The following ARRDC4 variants were observed in gnomAD, a reference collection of about 807,000 sequenced individuals.
ARRDC4 encodes the protein arrestin domain containing 4.
In ARRDC4, 40 loss-of-function variants were observed where a neutral mutation model predicts 44.6. The ratio of observed to expected loss-of-function variants is 0.90; its 90% CI spans 0.70 to 1.17. The LOEUF (loss-of-function observed/expected upper bound fraction) is 1.17. ARRDC4 is among the 50% of genes most tolerant of loss of function. The pLI is 0.00. For synonymous variants in ARRDC4, 211 were observed against 221.2 expected (o/e 0.95, Z 0.41); for missense variants, 550 against 559.1 (o/e 0.98, Z 0.16).
At position 97,973,685 on chromosome 15, in the gene ARRDC4, C is replaced by T. The variant is rs1443523800; in HGVS notation, c.*2498C>T. 2 of 152,492 alleles carry T rather than the reference C, an allele frequency of 1.3e-5. No individual in the cohort carries two copies. Among genetic ancestry groups the T allele is most frequent in the Non-Finnish European group, 2.9e-5 (2 of 68,014 alleles). 9.4% of individuals were successfully genotyped at this position (152,492 alleles called of 1,614,324 possible). A position where few individuals can be genotyped will look rare whatever the true frequency, so the allele number is the denominator to read the frequency against. ...GTTTTGCACAGTAAGAAACAATAGGCAAGCGTTATGTTTTTGGTAAGTTAA... is the reference window on the plus strand; with the variant it reads ...GTTTTGCACAGTAAGAAACAATAGGTAAGCGTTATGTTTTTGGTAAGTTAA... On this transcript the variant is annotated 3_prime_UTR_variant, in exon 8 of 8. Transcript: ENST00000268042.
intron 1 of ARRDC4, among the ~76,000 whole-genome samples, chr15:97,964,681 T>A (rs1899384394): frequency 6.6e-6 from 1 of 152,216 alleles, no homozygotes; most frequent in African/African-American, 2.4e-5. Flanking sequence ...GCCCTGGCCA[T>A]GCTTGGTAAA....
Position 97,960,818 on chromosome 15 carries a change from G to T in ARRDC4, c.-44G>T. ...CCGCTGTGCTCGCGACCCCGGCTCC[G>T]GGCCTCTGCCGACCTCAGGGGCAGG... On this transcript the variant is annotated 5_prime_UTR_variant, in exon 1 of 8. Transcript: ENST00000268042. 1 of 1,264,968 alleles carries T rather than the reference G, an allele frequency of 7.9e-7. No homozygotes were observed. 78.4% of individuals were successfully genotyped at this position (1,264,968 alleles called of 1,614,324 possible).
Position 97,968,018 on chromosome 15 carries a change from C to T in ARRDC4, c.527C>T (p.Pro176Leu), listed in dbSNP as rs1178721136. ...TTATTGTTTGAAATTTTCAAGACCC[C>T]TGTATTGAAAACTCAAGAGAAAATG... ...VDVNTPALLTPVLKTQEKMVG... is the reference protein window; with the variant it reads ...VDVNTPALLTLVLKTQEKMVG... Residue 176 changes from proline (P) to leucine (L), a missense_variant, in exon 4 of 8, where the codon CCT (proline) becomes CTT (leucine). Physicochemically the swap from Pro to Leu is moderately conservative, Grantham distance 98. Coordinates refer to ENST00000268042, the MANE Select transcript of ARRDC4 (RefSeq NM_183376.3). This position sits in a 1 kb window ranked among gnomAD's most constrained non-coding sequence, Gnocchi z 5.4. 2 of 1,589,838 alleles carry T rather than the reference C, an allele frequency of 1.3e-6. No homozygotes were observed. The highest frequency in any genetic ancestry group is 1.7e-6 in the Non-Finnish European group (2 of 1,167,486).
At position 97,968,245 on chromosome 15, in the gene ARRDC4, C is replaced by T. The variant is rs1252156111; in HGVS notation, c.625+129C>T. 1.9e-5 allele frequency: 8 copies of T among 430,724 alleles called. No individual in the cohort carries two copies. Among genetic ancestry groups the T allele is most frequent in the Admixed American group, 8.8e-5 (2 of 22,740 alleles). The allele number at this position is 430,724 out of a possible 1,614,324, so 26.7% of individuals were successfully genotyped here. A position where few individuals can be genotyped will look rare whatever the true frequency, so the allele number is the denominator to read the frequency against. The stretch of plus-strand genomic sequence containing the variant: ...GTATTTTAAAACATGAATAGTGATA[C>T]ATTTTTTATATAAATAATTGATATT... On this transcript the variant is annotated intron_variant, in intron 4 of 7. Transcript: ENST00000268042. This position sits in a 1 kb window ranked among gnomAD's most constrained non-coding sequence, Gnocchi z 5.4.
chr15:97,960,901 G>A lies in ARRDC4; in HGVS notation c.40G>A (p.Glu14Lys). The change falls in exon 1 of 8, where the codon GAG becomes AAG. Residue 14 changes from glutamate (E) to lysine (K), a missense_variant. By Grantham distance (56) the Glu-to-Lys change is moderately conservative. Coordinates refer to ENST00000268042, the MANE Select transcript of ARRDC4 (RefSeq NM_183376.3). ...EAGCAAAVGAEGRVKSLGLVF... is the reference protein window; with the variant it reads ...EAGCAAAVGAKGRVKSLGLVF... ...TGGGTGCGCGGCGGCCGTGGGTGCC[G>A]AGGGCCGCGTGAAGAGCCTGGGTCT... 7.0e-7 allele frequency: 1 copy of A among 1,428,858 alleles called. No individual in the cohort carries two copies. The highest frequency in any genetic ancestry group is 9.2e-7 in the Non-Finnish European group (1 of 1,084,414). The allele number at this position is 1,428,858 out of a possible 1,614,324, so 88.5% of individuals were successfully genotyped here.
At position 97,968,169 on chromosome 15, in the gene ARRDC4, TAA is replaced by T; in HGVS notation, c.625+54_625+55del. On this transcript the variant is annotated intron_variant, in intron 4 of 7. Transcript: ENST00000268042. This position sits in a 1 kb window ranked among gnomAD's most constrained non-coding sequence, Gnocchi z 5.4. Reference sequence around the variant, plus strand: ...GAAAGATTTCATTCATTTTCTTAGCTAATTTTAAGTGATTTTAAATAGTGTTT... The same window carrying T: ...GAAAGATTTCATTCATTTTCTTAGCTTTTTAAGTGATTTTAAATAGTGTTT... The T allele has an allele frequency of 8.2e-7, 1 of 1,218,556 alleles. No individual in the cohort carries two copies. The highest frequency in any genetic ancestry group is 2.4e-5 in the Admixed American group (1 of 42,316). 75.5% of individuals were successfully genotyped at this position (1,218,556 alleles called of 1,614,324 possible). A position where few individuals can be genotyped will look rare whatever the true frequency, so the allele number is the denominator to read the frequency against.
In ARRDC4 at chr15:97,965,947, C is replaced by T. The variant is rs753297131; in HGVS notation, c.427C>T (p.Arg143Trp). The change falls in exon 3 of 8, where the codon CGG becomes TGG. Residue 143 changes from arginine (R) to tryptophan (W), a missense_variant. Arg to Trp is a moderately radical substitution (Grantham distance 101, BLOSUM62 -3). Coordinates refer to ENST00000268042, the MANE Select transcript of ARRDC4 (RefSeq NM_183376.3). The surrounding 1 kb of genome is among the most constrained non-coding windows in gnomAD (Gnocchi z 5.1). ...GKYGSIQYCV[R>W]AVLERPKVPD... ...ATATGGAAGCATTCAGTACTGTGTGCGGGCAGTGTTGGAACGACCCAAGGT... is the reference window on the plus strand; with the variant it reads ...ATATGGAAGCATTCAGTACTGTGTGTGGGCAGTGTTGGAACGACCCAAGGT... 1.9e-5 allele frequency: 30 copies of T among 1,613,954 alleles called. No homozygotes were observed. The Admixed American group carries it at 2.5e-4, about 13-fold the overall frequency.
Position 97,970,848 on chromosome 15 carries a change from G to A in ARRDC4, c.1200+105G>A. The A allele has an allele frequency of 2.4e-5, 32 of 1,322,886 alleles. No homozygotes were observed. The highest frequency in any genetic ancestry group is 3.3e-5 in the Non-Finnish European group (32 of 965,674). 81.9% of individuals were successfully genotyped at this position (1,322,886 alleles called of 1,614,324 possible). A position where few individuals can be genotyped will look rare whatever the true frequency, so the allele number is the denominator to read the frequency against. On this transcript the variant is annotated intron_variant, in intron 7 of 7. Transcript: ENST00000268042. The surrounding 1 kb of genome is among the most constrained non-coding windows in gnomAD (Gnocchi z 4.2). ...TCTGTTGCTGACTCATAATTAGTAA[G>A]GGATACATTTAAATTTGTTTATACA...
chr15:97,964,997 T>TACACACAC (rs138550311), intron 1 of ARRDC4, among the ~76,000 whole-genome samples: 7 of 147,828 alleles, frequency 4.7e-5, no homozygotes, highest in African/African-American at 1.5e-4. Context: ...GATTTTTACA[T>TACACACAC]ACACACACAC....
rs1433495210 is a variant in ARRDC4 at position 97,966,671 on chromosome 15, A to G, written c.522+629A>G. Among the ~76,000 whole-genome samples the G allele has an allele frequency of 6.6e-6, 1 of 152,212 alleles. No individual in the cohort carries two copies. Among genetic ancestry groups the G allele is most frequent in the Non-Finnish European group, 1.5e-5 (1 of 68,030 alleles). ...AAGAAAGATCAGGCTATAAGTAACA[A>G]CAGAATAGGCAAGATGGGAGCTAAT... On this transcript the variant is annotated intron_variant, in intron 3 of 7. Transcript: ENST00000268042. This position sits in a 1 kb window ranked among gnomAD's most constrained non-coding sequence, Gnocchi z 4.7.
rs1899465107 is a variant in ARRDC4, at chr15:97,969,151, AG to A, written c.655del (p.Glu219LysfsTer7). On this transcript the variant is annotated frameshift_variant, in exon 5 of 8. Coordinates refer to ENST00000268042, the MANE Select transcript of ARRDC4 (RefSeq NM_183376.3). LOFTEE classifies it high-confidence loss of function. Reference sequence around the variant, plus strand: ...AAGCTATTCCAATCTATGCAGAAATAGAAAATTGTTCCTCTCGTCTGATTGT... The same window carrying A: ...AAGCTATTCCAATCTATGCAGAAATAAAAATTGTTCCTCTCGTCTGATTGT... The part of the protein sequence containing the change: ...GEAIPIYAEI[E>X]NCSSRLIVPK... The A allele has an allele frequency of 1.9e-6, 3 of 1,613,876 alleles. No individual in the cohort carries two copies. The South Asian group carries it at 3.3e-5, about 18-fold the overall frequency.
At position 97,970,759 on chromosome 15, in the gene ARRDC4, G is replaced by T. The variant is rs767097581; in HGVS notation, c.1200+16G>T. On this transcript the variant is annotated intron_variant, in intron 7 of 7. Transcript: ENST00000268042. This position sits in a 1 kb window ranked among gnomAD's most constrained non-coding sequence, Gnocchi z 4.2. ...TTATTCAGAGGTAAGCAAAGCAAAA[G>T]AAAATTAGACTTTTACTGTATTATT... 2 of 1,602,402 alleles carry T rather than the reference G, an allele frequency of 1.2e-6. No homozygotes were observed. The highest frequency in any genetic ancestry group is 1.7e-5 in the Admixed American group (1 of 57,730).
In ARRDC4 at chr15:97,960,766, C is replaced by T. The variant is rs1435735065; in HGVS notation, c.-96C>T. The T allele has an allele frequency of 2.1e-5, 24 of 1,157,160 alleles. No individual in the cohort carries two copies. Among genetic ancestry groups the T allele is most frequent in the Non-Finnish European group, 2.5e-5 (23 of 914,768 alleles). The allele number at this position is 1,157,160 out of a possible 1,614,324, so 71.7% of individuals were successfully genotyped here. On this transcript the variant is annotated 5_prime_UTR_variant, in exon 1 of 8. Coordinates refer to ENST00000268042, the MANE Select transcript of ARRDC4 (RefSeq NM_183376.3). ...GCACGGCTGCCGCGGCGGCCTTACC[C>T]TGCCGCGAGCGCCTGTGACAGCGGC...
Position 97,961,008 on chromosome 15 carries a change from G to T in ARRDC4, c.147G>T (p.Pro49=). The change falls in exon 1 of 8, where the codon CCG becomes CCT. Residue 49 remains proline, a synonymous_variant. Transcript: ENST00000268042. ...ACGTGCTGCTGGAGGCGTCCGAGCCGGTGGCCCTGCGCGCGCTGCGCCTGG... is the reference window on the plus strand; with the variant it reads ...ACGTGCTGCTGGAGGCGTCCGAGCCTGTGGCCCTGCGCGCGCTGCGCCTGG... ...AGHVLLEASE[P]VALRALRLEA... 1.4e-6 allele frequency: 2 copies of T among 1,443,742 alleles called. No homozygotes were observed. Among genetic ancestry groups the T allele is most frequent in the South Asian group, 1.4e-5 (1 of 73,046 alleles). The allele number at this position is 1,443,742 out of a possible 1,614,324, so 89.4% of individuals were successfully genotyped here.
chr15:97,967,602 T>C lies in ARRDC4; in HGVS notation c.523-412T>C, dbSNP rs1273795414. Among the ~76,000 whole-genome samples, 1 of 152,290 alleles carries C rather than the reference T, an allele frequency of 6.6e-6. No individual in the cohort carries two copies. The highest frequency in any genetic ancestry group is 6.5e-5 in the Admixed American group (1 of 15,298). ...ACTTTATTAAATGCCAAAATAAATATAATGTTCTGATTATTTTTTATTTTT... is the reference window on the plus strand; with the variant it reads ...ACTTTATTAAATGCCAAAATAAATACAATGTTCTGATTATTTTTTATTTTT... On this transcript the variant is annotated intron_variant, in intron 3 of 7. Transcript: ENST00000268042. This position sits in a 1 kb window ranked among gnomAD's most constrained non-coding sequence, Gnocchi z 5.0.
rs1899540582 is a variant in ARRDC4 at position 97,972,976 on chromosome 15, T to C, written c.*1789T>C. 1 of 152,596 alleles carries C rather than the reference T, an allele frequency of 6.6e-6. No homozygotes were observed. The highest frequency in any genetic ancestry group is 1.5e-5 in the Non-Finnish European group (1 of 68,030). 9.5% of individuals were successfully genotyped at this position (152,596 alleles called of 1,614,324 possible). On this transcript the variant is annotated 3_prime_UTR_variant, in exon 8 of 8. Coordinates refer to ENST00000268042, the MANE Select transcript of ARRDC4 (RefSeq NM_183376.3). The surrounding 1 kb of genome is among the most constrained non-coding windows in gnomAD (Gnocchi z 5.3). The stretch of plus-strand genomic sequence containing the variant: ...AAAACTGTTAGACCAGTAATTGTGC[T>C]ACTGAAATTGTCACAAAACGTTATT...
At position 97,965,833 on chromosome 15, in the gene ARRDC4, C is replaced by A. The variant is rs1899409549; in HGVS notation, c.375-62C>A. Reference sequence around the variant, plus strand: ...CCAACCTAAAACATTTTAAACCATGCTTTTTTTGGCTTTGTTTAACTGAAA... The same window carrying A: ...CCAACCTAAAACATTTTAAACCATGATTTTTTTGGCTTTGTTTAACTGAAA... On this transcript the variant is annotated intron_variant, in intron 2 of 7. Transcript: ENST00000268042. The surrounding 1 kb of genome is among the most constrained non-coding windows in gnomAD (Gnocchi z 5.1). The A allele has an allele frequency of 1.3e-6, 2 of 1,576,810 alleles. No individual in the cohort carries two copies.
In ARRDC4 at chr15:97,971,268, G is replaced by A. The variant is rs1596306234; in HGVS notation, c.*81G>A. 3 of 1,342,336 alleles carry A rather than the reference G, an allele frequency of 2.2e-6. No homozygotes were observed. Among genetic ancestry groups the A allele is most frequent in the African/African-American group, 1.5e-5 (1 of 68,954 alleles). 83.2% of individuals were successfully genotyped at this position (1,342,336 alleles called of 1,614,324 possible). ...TTCTGCCTTTTTGGGAAAGAGACAG[G>A]AAAGATTCACTTGAAAACATAAATG... On this transcript the variant is annotated 3_prime_UTR_variant, in exon 8 of 8. Transcript: ENST00000268042.
chr15:97,962,276 A>G (rs1899336518), intron 1 of ARRDC4, among the ~76,000 whole-genome samples: 1 of 152,210 alleles, frequency 6.6e-6, no homozygotes, highest in South Asian at 2.1e-4. Flanking sequence ...AGTGAGGAAA[A>G]CTATATTTGG....
Sources: allele counts gnomAD v4.1 joint callset (sites outside exome capture counted in the v4.1 genomes callset), GRCh38; gene constraint gnomAD v4.1.1; non-coding constraint Gnocchi (gnomAD v3.1); transcripts MANE v1.5; gene names NCBI Gene and HGNC (gene_info 2026-07-23, HGNC 2026-07-21).